CCDC7: variants seen among roughly 807,000 people sequenced by gnomAD.
CCDC7 encodes the protein coiled-coil domain-containing protein 7.
A neutral mutation model predicts 196.9 loss-of-function variants in CCDC7; 183 were observed. The ratio of observed to expected loss-of-function variants is 0.93; its 90% CI spans 0.82 to 1.05. CCDC7 has a LOEUF of 1.05. Among genes scored for constraint, CCDC7 ranks in the 50% least tolerant of loss-of-function variants. CCDC7 has a pLI of 0.00. For missense variants in CCDC7, 1,540 were observed against 1,482.2 expected (o/e 1.04, Z -0.64); for synonymous variants, 525 against 484.6 (o/e 1.08, Z -1.10).
intron 41 of CCDC7, among the ~76,000 whole-genome samples, chr10:32,859,764 A>G (rs2093903148): frequency 6.6e-6 from 1 of 152,240 alleles, no homozygotes; most frequent in South Asian, 2.1e-4. Context: ...ACAAACTACC[A>G]TCAGAGAATA....
downstream of CCDC7, among the ~76,000 whole-genome samples, chr10:32,881,790 A>C (rs143720897): frequency 3.3e-5 from 5 of 152,230 alleles, no homozygotes; most frequent in East Asian, 9.7e-4. Flanking sequence ...AGAATTCTCA[A>C]ACCCTTCAGT....
At chr10:32,674,409 A>G (rs2074577962) in intron 21 of CCDC7, among the ~76,000 whole-genome samples, 1 of 151,582 alleles carries the variant, frequency 6.6e-6, no homozygotes, top group Non-Finnish European at 1.5e-5. Context: ...TTTTTCTTTC[A>G]TTACTGATTT....
At chr10:32,475,113 A>G (rs867794138) in intron 8 of CCDC7, among the ~76,000 whole-genome samples, 1 of 152,188 alleles carries the variant, frequency 6.6e-6, no homozygotes, top group Non-Finnish European at 1.5e-5. Flanking sequence ...TTGTACATCT[A>G]TGGACCTCTC....
chr10:32,654,121 T>G (rs1564980318), intron 20 of CCDC7, among the ~76,000 whole-genome samples: 1 of 152,224 alleles, frequency 6.6e-6, no homozygotes, highest in African/African-American at 2.4e-5. Context: ...TCTTTCCATT[T>G]CAGTTATTGT....
chr10:32,660,834 T>C (rs2071207926), intron 20 of CCDC7, among the ~76,000 whole-genome samples: 1 of 148,014 alleles, frequency 6.8e-6, no homozygotes, highest in African/African-American at 2.5e-5. Context: ...TCAAGATGGA[T>C]TAAAGACTTA....
At chr10:32,502,975 AAC>A (rs1407052869) in intron 9 of CCDC7, among the ~76,000 whole-genome samples, 2 of 152,138 alleles carry the variant, frequency 1.3e-5, no homozygotes, top group Non-Finnish European at 2.9e-5. Flanking sequence ...AATTTATAGA[AAC>A]ACAACTGATT....
exon 15 of CCDC7, chr10:32,567,871 A>G (rs1404296543): frequency 1.2e-6 from 2 of 1,612,130 alleles, no homozygotes; most frequent in Non-Finnish European, 1.7e-6. Flanking sequence ...GACAAGTGAT[A>G]AAATCCAAGA....
At chr10:32,668,533 A>G (rs995214940) in intron 21 of CCDC7, among the ~76,000 whole-genome samples, 1 of 152,128 alleles carries the variant, frequency 6.6e-6, no homozygotes, top group Non-Finnish European at 1.5e-5. Flanking sequence ...TATTATTTTG[A>G]GATATGTCCC....
At chr10:32,807,181 CAT>C (rs1334685835) in intron 30 of CCDC7, among the ~76,000 whole-genome samples, 1 of 152,086 alleles carries the variant, frequency 6.6e-6, no homozygotes, top group Non-Finnish European at 1.5e-5. Context: ...ATAAAACGAA[CAT>C]AGGTTAAAGG....
rs568489181 is a variant in CCDC7, at chr10:32,669,805, T to G, written c.2122+5644T>G. 5.9e-5 allele frequency among the ~76,000 whole-genome samples: 9 copies of G among 152,306 alleles called. No individual in the cohort carries two copies. In the East Asian group the frequency reaches 7.7e-4, roughly 13 times the overall value. ...ATTCATTGATTTTGTCTTTTCTTTT[T>G]TTGTTGTTGTTGTTGTCCATAATTC... On this transcript the variant is annotated intron_variant, in intron 21 of 41. Coordinates refer to ENST00000639629, the Ensembl canonical transcript of CCDC7.
chr10:32,668,795 G>A (rs1477216337), intron 21 of CCDC7, among the ~76,000 whole-genome samples: 1 of 152,054 alleles, frequency 6.6e-6, no homozygotes. Context: ...GAGAATTTTT[G>A]CATCAATGTT....
At chr10:32,863,944 A>C (rs935799721) in intron 41 of CCDC7, among the ~76,000 whole-genome samples, 1 of 151,318 alleles carries the variant, frequency 6.6e-6, no homozygotes, top group Non-Finnish European at 1.5e-5. Context: ...CCCACACTGC[A>C]AAGAAAACAA....
At chr10:32,695,033 T>A (rs990416929) in intron 24 of CCDC7, 41 bp downstream of exon 25, 3 of 1,061,060 alleles carry the variant, frequency 2.8e-6, no homozygotes, top group Admixed American at 2.6e-5. Context: ...ATTTTAAAGT[T>A]AATCTCATTA....
At chr10:32,648,537 G>A (rs1223994820) in intron 20 of CCDC7, among the ~76,000 whole-genome samples, 1 of 152,056 alleles carries the variant, frequency 6.6e-6, no homozygotes, top group Non-Finnish European at 1.5e-5. Flanking sequence ...ATATATTTGG[G>A]ATTGCTGGGT....
intron 32 of CCDC7, among the ~76,000 whole-genome samples, chr10:32,830,358 T>G (rs1216063406): frequency 6.6e-6 from 1 of 150,532 alleles, no homozygotes; most frequent in Non-Finnish European, 1.5e-5. Context: ...AAAGCCCAAT[T>G]TTAGCAAAAT....
chr10:32,501,636 CA>C (rs1344730008), intron 9 of CCDC7, among the ~76,000 whole-genome samples: 2 of 152,312 alleles, frequency 1.3e-5, no homozygotes, highest in East Asian at 3.9e-4. Context: ...AGGTCCACTC[CA>C]GACCCTGTTT....
chr10:32,510,609 T>TTTTTG (rs1210194859), intron 9 of CCDC7, among the ~76,000 whole-genome samples: 1 of 152,208 alleles, frequency 6.6e-6, no homozygotes, highest in Non-Finnish European at 1.5e-5. Context: ...AATGTATAGC[T>TTTTTG]TTTTGTTTTG....
intron 13 of CCDC7, among the ~76,000 whole-genome samples, chr10:32,551,630 T>C (rs1193207594): frequency 6.6e-6 from 1 of 152,202 alleles, no homozygotes; most frequent in African/African-American, 2.4e-5. Flanking sequence ...AATTTTTAAA[T>C]TTCCATCTTG....
At chr10:32,862,637 C>A (rs1480461678) in intron 41 of CCDC7, among the ~76,000 whole-genome samples, 1 of 151,784 alleles carries the variant, frequency 6.6e-6, no homozygotes, top group Admixed American at 6.6e-5. Flanking sequence ...AGCTACAAGG[C>A]AGGGATGTCC....
Sources: gnomAD v4.1 joint callset for allele counts (sites outside exome capture counted in the v4.1 genomes callset) on GRCh38, gnomAD v4.1.1 for gene constraint, MANE v1.5 for transcripts, NCBI Gene and HGNC (gene_info 2026-07-23, HGNC 2026-07-21) for gene names.